The following PALMD variants were observed in gnomAD, a reference collection of about 807,000 sequenced individuals.
PALMD encodes palmdelphin, also known as paralemmin-like protein.
A neutral mutation model predicts 56.2 loss-of-function variants in PALMD; 42 were observed. That is an observed-to-expected ratio of 0.75 (90% CI 0.58 to 0.97). The LOEUF is 0.97. PALMD is among the 50% of genes least tolerant of loss of function. The pLI is 0.00. For synonymous variants in PALMD, 242 were observed against 222.9 expected (o/e 1.09, Z -0.76); for missense variants, 660 against 643.8 (o/e 1.03, Z -0.27).
At chr1:99,692,616 G>A (rs1383107645) in intron 7 of PALMD, among the ~76,000 whole-genome samples, 1 of 152,156 alleles carries the variant, frequency 6.6e-6, no homozygotes, top group African/African-American at 2.4e-5. Flanking sequence ...ACAGCACACA[G>A]GATGTGCCTG....
At chr1:99,683,381 G>A (rs1653416015) in intron 3 of PALMD, 1 of 152,112 alleles carries the variant, frequency 6.6e-6, no homozygotes, top group Non-Finnish European at 1.5e-5. Flanking sequence ...TATCACACTT[G>A]ATTGTCTCAA....
chr1:99,655,103 A>C (rs781611856), intron 1 of PALMD, among the ~76,000 whole-genome samples: 3 of 152,186 alleles, frequency 2.0e-5, no homozygotes, highest in Non-Finnish European at 2.9e-5. Flanking sequence ...CATTTTTAAA[A>C]ATTAGTAAGT....
intron 6 of PALMD, 98 bp from the exon 7 acceptor site, chr1:99,688,677 T>C (rs6667146): frequency 0.032 from 23,958 of 756,708 alleles, 605 homozygotes; most frequent in African/African-American, 0.1. Context: ...TACAAGAACA[T>C]GAAGGGTCTA....
intron 6 of PALMD, 114 bp downstream of exon 6, chr1:99,687,303 T>C (rs1653525039): frequency 8.3e-7 from 1 of 1,200,032 alleles, no homozygotes; most frequent in African/African-American, 1.5e-5. Flanking sequence ...TGGTTCACTT[T>C]ACAAAGTTCT....
chr1:99,683,078 G>A (rs866375738), intron 3 of PALMD, among the ~76,000 whole-genome samples: 4 of 19,578 alleles, frequency 2.0e-4, no homozygotes, highest in African/African-American at 1.5e-3. Context: ...GAGAGAGAGA[G>A]AGAGAGAGAG....
At chr1:99,664,485 A>G (rs1557669154) in intron 2 of PALMD, among the ~76,000 whole-genome samples, 1 of 152,196 alleles carries the variant, frequency 6.6e-6, no homozygotes, top group Non-Finnish European at 1.5e-5. Context: ...TTAAGATGGT[A>G]ACTGATACAT....
At chr1:99,672,687 C>G (rs182667883) in intron 3 of PALMD, among the ~76,000 whole-genome samples, 1 of 152,294 alleles carries the variant, frequency 6.6e-6, no homozygotes. Context: ...CACTCTACTT[C>G]TTGAACTGTG....
intron 1 of PALMD, among the ~76,000 whole-genome samples, chr1:99,653,117 G>C (rs1393365180): frequency 6.6e-6 from 1 of 151,598 alleles, no homozygotes; most frequent in African/African-American, 2.4e-5. Flanking sequence ...ATCTTTCACA[G>C]TTCCCTCAAC....
chr1:99,664,044 C>T (rs554221454), intron 2 of PALMD, among the ~76,000 whole-genome samples: 12 of 152,230 alleles, frequency 7.9e-5, no homozygotes, highest in African/African-American at 2.9e-4. Flanking sequence ...TGTCCACATT[C>T]CTTTGCCAGT....
chr1:99,669,260 T>G (rs979904510), intron 3 of PALMD: 2 of 152,220 alleles, frequency 1.3e-5, no homozygotes, highest in African/African-American at 4.8e-5. Context: ...TAACAATTCT[T>G]AAAAGGTTAT....
At chr1:99,656,140 G>A (rs1031086678) in intron 1 of PALMD, among the ~76,000 whole-genome samples, 4 of 152,076 alleles carry the variant, frequency 2.6e-5, no homozygotes, top group Non-Finnish European at 4.4e-5. Flanking sequence ...TTTTTAAATA[G>A]TAGCTCTCTT....
chr1:99,688,015 A>G (rs1327407638), intron 6 of PALMD, among the ~76,000 whole-genome samples: 3 of 152,160 alleles, frequency 2.0e-5, no homozygotes, highest in Admixed American at 6.6e-5. Context: ...TACCTTTCCT[A>G]TTGAAATTCC....
chr1:99,665,710 G>A (rs1652945934), intron 2 of PALMD, among the ~76,000 whole-genome samples: 1 of 152,084 alleles, frequency 6.6e-6, no homozygotes, highest in African/African-American at 2.4e-5. Flanking sequence ...TAGGTGGTTT[G>A]TAAGGAGTAA....
intron 2 of PALMD, among the ~76,000 whole-genome samples, chr1:99,662,778 C>T (rs980611764): frequency 2.0e-5 from 3 of 152,118 alleles, no homozygotes; most frequent in East Asian, 3.9e-4. Flanking sequence ...GTCATTCCCC[C>T]GGGGGTGCAG....
At chr1:99,673,008 G>A (rs1226863414) in intron 3 of PALMD, among the ~76,000 whole-genome samples, 3 of 152,102 alleles carry the variant, frequency 2.0e-5, no homozygotes. Flanking sequence ...GTGTGACTAC[G>A]TGTCATGAGA....
chr1:99,665,483 C>T (rs760110287), intron 2 of PALMD, among the ~76,000 whole-genome samples: 18 of 152,054 alleles, frequency 1.2e-4, no homozygotes, highest in South Asian at 2.1e-4. Flanking sequence ...GAGTTCTCCA[C>T]GAGGCATAAA....
chr1:99,657,485 T>C (rs1333960059), intron 1 of PALMD, among the ~76,000 whole-genome samples: 1 of 152,194 alleles, frequency 6.6e-6, no homozygotes, highest in Non-Finnish European at 1.5e-5. Context: ...GTTCAAGCTC[T>C]CATGGCCTTA....
intron 7 of PALMD, 89 bp downstream of exon 7, chr1:99,689,961 G>A: frequency 8.0e-7 from 1 of 1,248,634 alleles, no homozygotes; most frequent in Non-Finnish European, 1.1e-6. Flanking sequence ...AGGCTTCTCT[G>A]ACCACCTCAT....
chr1:99,666,205 C>A (rs534792373), intron 2 of PALMD, among the ~76,000 whole-genome samples: 13 of 151,834 alleles, frequency 8.6e-5, no homozygotes, highest in Non-Finnish European at 1.8e-4. Context: ...TTCCATATAA[C>A]ATTTGTTTGT....
Sources: gnomAD v4.1 joint callset for allele counts (sites outside exome capture counted in the v4.1 genomes callset) on GRCh38, gnomAD v4.1.1 for gene constraint, MANE v1.5 for transcripts, NCBI Gene and HGNC (gene_info 2026-07-23, HGNC 2026-07-21) for gene names.